The following CUX1 variants were observed in gnomAD, a reference collection of about 807,000 sequenced individuals.
CUX1 encodes the protein cut like homeobox 1.
Under a neutral mutation model 158.8 loss-of-function variants are expected in CUX1, and 31 were observed. The observed-to-expected ratio is 0.20, with a 90% CI of 0.15 to 0.26. The LOEUF (loss-of-function observed/expected upper bound fraction) is 0.26, where lower values mean the gene tolerates loss of function less well. CUX1 is among the 10% of genes least tolerant of loss of function. CUX1 has a pLI of 1.00. For synonymous variants in CUX1, 879 were observed against 862.1 expected, an observed-to-expected ratio of 1.02 and a Z score of -0.34; for missense variants, 1,589 against 2,014.6, an observed-to-expected ratio of 0.79 and a Z score of 4.04.
chr7:101,906,611 T>C (rs1485171996), intron 1 of CUX1, among the ~76,000 whole-genome samples: 1 of 151,986 alleles, frequency 6.6e-6, no homozygotes, highest in African/African-American at 2.4e-5. Context: ...GCGCCCCGTG[T>C]CCTGGAGGAC....
chr7:102,256,039 G>C lies in CUX1; in HGVS notation c.*6997G>C, dbSNP rs923812009. Reference sequence around the variant, plus strand: ...CTGTAGTTCCGTTTGTTCATGAACCGAAGGGAAAACAGGCCTCCCCGACTC... The same window carrying C: ...CTGTAGTTCCGTTTGTTCATGAACCCAAGGGAAAACAGGCCTCCCCGACTC... On this transcript the variant is annotated 3_prime_UTR_variant, in exon 24 of 24. Transcript: ENST00000292535. The C allele has an allele frequency of 1.2e-5, 12 of 985,344 alleles. No homozygotes were observed. In the Admixed American group the frequency reaches 4.3e-4, roughly 35 times the overall value. 61.0% of individuals were successfully genotyped at this position (985,344 alleles called of 1,614,324 possible). A position where few individuals can be genotyped will look rare whatever the true frequency, so the allele number is the denominator to read the frequency against.
intron 1 of CUX1, among the ~76,000 whole-genome samples, chr7:101,859,142 C>G (rs1298185281): frequency 6.6e-6 from 1 of 152,190 alleles, no homozygotes; most frequent in Non-Finnish European, 1.5e-5. Flanking sequence ...ACTAAAGGCA[C>G]TGCCCATGAG....
intron 2 of CUX1, among the ~76,000 whole-genome samples, chr7:102,012,958 A>G (rs1391665332): frequency 1.3e-5 from 2 of 152,182 alleles, no homozygotes; most frequent in African/African-American, 4.8e-5. Flanking sequence ...GTGTGATAAG[A>G]AACACCTAAT....
intron 2 of CUX1, among the ~76,000 whole-genome samples, chr7:101,956,717 C>A (rs541337968): frequency 1.3e-5 from 2 of 152,212 alleles, no homozygotes; most frequent in African/African-American, 2.4e-5. Context: ...GAGGCCGAAG[C>A]GGGCAGTGCG....
At chr7:101,829,899 C>CA (rs57397268) in intron 1 of CUX1, among the ~76,000 whole-genome samples, 22,416 of 152,202 alleles carry the variant, frequency 0.15, 1,794 homozygotes, top group Non-Finnish European at 0.18. Context: ...TCACTATCCT[C>CA]AGATGCCCCA....
At position 101,892,095 on chromosome 7, in the gene CUX1, T is replaced by C. The variant is rs151224417; in HGVS notation, c.31-24020T>C. ...TGAATCAGATCTAGGAGCATCTCTT[T>C]TGTGTTGGAGCGGAGAGTCAGTCCG... On this transcript the variant is annotated intron_variant, in intron 1 of 23. Transcript: ENST00000292535. Among the ~76,000 whole-genome samples, 843 of 152,286 alleles carry C rather than the reference T, an allele frequency of 5.5e-3. 5 individuals carry two copies. Among genetic ancestry groups the C allele is most frequent in the Non-Finnish European group, 6.9e-3 (470 of 68,022 alleles).
chr7:101,869,081 G>GCAAAGGGC lies in CUX1; in HGVS notation c.31-47032_31-47025dup, dbSNP rs3075362. Among the ~76,000 whole-genome samples, 57,992 of 151,366 alleles carry GCAAAGGGC rather than the reference G, an allele frequency of 0.38. 12,394 individuals are homozygous for GCAAAGGGC. Among genetic ancestry groups the GCAAAGGGC allele is most frequent in the East Asian group, 0.88 (4,445 of 5,026 alleles). ...CTGGCTTCCGAGGGCGGGCGAGGGG[G>GCAAAGGGC]CAAAGGGCCTGGGGCATGGACTTGG... On this transcript the variant is annotated intron_variant, in intron 1 of 23. Transcript: ENST00000292535. The surrounding 1 kb of genome is among the most constrained non-coding windows in gnomAD (Gnocchi z 4.5).
chr7:102,126,335 G>A (rs1028220710), intron 8 of CUX1, among the ~76,000 whole-genome samples: 13 of 152,016 alleles, frequency 8.6e-5, no homozygotes, highest in East Asian at 1.9e-4. Context: ...TACCACGCCC[G>A]GCCCGTGACA....
downstream of CUX1, among the ~76,000 whole-genome samples, chr7:102,262,406 G>GGATGGATGGATGGAT (rs1554544105): frequency 0.021 from 3,179 of 151,440 alleles, 110 homozygotes; most frequent in African/African-American, 0.073. Context: ...ATGGATGGAT[G>GGATGGATGGATGGAT]GATGGATGGA....
At chr7:102,155,381 C>CAAA (rs562482446) in intron 8 of CUX1, among the ~76,000 whole-genome samples, 3 of 110,144 alleles carry the variant, frequency 2.7e-5, no homozygotes, top group African/African-American at 9.6e-5. Context: ...TTGTCTCTAC[C>CAAA]AAAAAAAAAA....
intron 1 of CUX1, among the ~76,000 whole-genome samples, chr7:101,833,772 C>T (rs956108673): frequency 1.3e-5 from 2 of 151,988 alleles, no homozygotes; most frequent in East Asian, 1.9e-4. Context: ...CTCAGGTTTT[C>T]GCCTTCCCAG....
chr7:102,236,963 T>C (rs1340666206), intron 22 of CUX1, among the ~76,000 whole-genome samples: 1 of 152,114 alleles, frequency 6.6e-6, no homozygotes, highest in African/African-American at 2.4e-5. Flanking sequence ...CCGATGGCCT[T>C]CTCTTCACTC....
At chr7:102,146,576 T>A (rs1354509275) in intron 8 of CUX1, among the ~76,000 whole-genome samples, 1 of 152,138 alleles carries the variant, frequency 6.6e-6, no homozygotes, top group Non-Finnish European at 1.5e-5. Flanking sequence ...CTCGTTCTTA[T>A]GTTCGTTGGT....
At chr7:102,103,632 G>A (rs1779301573) in intron 5 of CUX1, among the ~76,000 whole-genome samples, 1 of 151,974 alleles carries the variant, frequency 6.6e-6, no homozygotes, top group Non-Finnish European at 1.5e-5. Context: ...GGCGGGGCTC[G>A]CTGTGTTTCT....
chr7:102,110,858 C>T (rs201492), intron 6 of CUX1, among the ~76,000 whole-genome samples: 93,591 of 151,974 alleles, frequency 0.62, 30,373 homozygotes, highest in African/African-American at 0.77. Context: ...ATCTGAGGAG[C>T]GGAAATGAGC....
intron 3 of CUX1, among the ~76,000 whole-genome samples, chr7:102,057,205 G>A (rs966251505): frequency 4.3e-4 from 65 of 152,242 alleles, no homozygotes; most frequent in Non-Finnish European, 1.5e-5. Context: ...CTAGCCGAAA[G>A]GTTCTTTTCA....
intron 1 of CUX1, among the ~76,000 whole-genome samples, chr7:101,895,701 C>T (rs1015069927): frequency 3.9e-5 from 6 of 152,114 alleles, no homozygotes; most frequent in Non-Finnish European, 7.4e-5. Context: ...AGAAGGAATT[C>T]ATGGCTGCCT....
At chr7:101,993,437 C>G (rs945098744) in intron 2 of CUX1, among the ~76,000 whole-genome samples, 1 of 152,214 alleles carries the variant, frequency 6.6e-6, no homozygotes, top group African/African-American at 2.4e-5. Flanking sequence ...AGAGCTGCAG[C>G]TGCTCTGATG....
intron 6 of CUX1, among the ~76,000 whole-genome samples, chr7:102,104,756 A>C (rs542070997): frequency 6.6e-6 from 1 of 152,126 alleles, no homozygotes; most frequent in East Asian, 1.9e-4. Context: ...TTAGCCAGGC[A>C]TGGTGGCGCA....
Sources: allele counts gnomAD v4.1 joint callset (sites outside exome capture counted in the v4.1 genomes callset), GRCh38; gene constraint gnomAD v4.1.1; non-coding constraint Gnocchi (gnomAD v3.1); transcripts MANE v1.5; gene names NCBI Gene and HGNC (gene_info 2026-07-23, HGNC 2026-07-21).